Variants in CAMK1D observed in about 807,000 individuals in gnomAD.
CAMK1D encodes the protein calcium/calmodulin-dependent protein kinase type 1D.
A neutral mutation model predicts 47.7 loss-of-function variants in CAMK1D; 9 were observed. The observed-to-expected ratio is 0.19, with a 90% CI of 0.11 to 0.33. CAMK1D has a LOEUF of 0.33. Among genes scored for constraint, CAMK1D ranks in the 10% least tolerant of loss-of-function variants. The pLI is 1.00. For synonymous variants in CAMK1D, 184 were observed against 184.9 expected (o/e 0.99, Z 0.04); for missense variants, 291 against 488.7 (o/e 0.60, Z 3.81).
At chr10:12,387,494 A>G (rs145044114) in intron 1 of CAMK1D, among the ~76,000 whole-genome samples, 28 of 132,362 alleles carry the variant, frequency 2.1e-4, no homozygotes, top group African/African-American at 7.4e-4. Context: ...TGAAAGTTAT[A>G]TTATGTGTAT....
intron 1 of CAMK1D, among the ~76,000 whole-genome samples, chr10:12,519,251 C>A (rs1588581367): frequency 1.6e-5 from 1 of 63,640 alleles, no homozygotes; most frequent in East Asian, 4.4e-4. Context: ...GGCTGACCCC[C>A]CCACCTCCCT....
intron 1 of CAMK1D, among the ~76,000 whole-genome samples, chr10:12,515,566 C>T (rs1835180705): frequency 1.1e-5 from 1 of 94,122 alleles, no homozygotes; most frequent in Non-Finnish European, 2.2e-5. Flanking sequence ...TATCCCTCCC[C>T]CCTCCCCCGA....
At chr10:12,761,968 C>T (rs1356354025) in intron 4 of CAMK1D, among the ~76,000 whole-genome samples, 13 of 152,230 alleles carry the variant, frequency 8.5e-5, no homozygotes, top group Admixed American at 8.5e-4. Flanking sequence ...TTGACCCTTT[C>T]CCCGTTGGCA....
intron 3 of CAMK1D, among the ~76,000 whole-genome samples, chr10:12,694,009 A>G (rs1833059068): frequency 1.3e-5 from 1 of 78,972 alleles, no homozygotes; most frequent in African/African-American, 5.0e-5. Context: ...TATATAATAT[A>G]TATTAAATAT....
chr10:12,465,596 C>G (rs556186821), intron 1 of CAMK1D, among the ~76,000 whole-genome samples: 1 of 152,312 alleles, frequency 6.6e-6, no homozygotes, highest in Non-Finnish European at 1.5e-5. Context: ...CTCAAGTGAT[C>G]CACCCACCTT....
At chr10:12,793,806 G>T (rs763995111) in intron 6 of CAMK1D, among the ~76,000 whole-genome samples, 1 of 152,234 alleles carries the variant, frequency 6.6e-6, no homozygotes, top group Admixed American at 6.5e-5. Flanking sequence ...GAAGAAGGAG[G>T]CAGGAAACGT....
chr10:12,623,700 A>G (rs747108832), intron 2 of CAMK1D, among the ~76,000 whole-genome samples: 9 of 151,372 alleles, frequency 5.9e-5, no homozygotes, highest in African/African-American at 7.4e-5. Flanking sequence ...CACATTTTAC[A>G]TACATGCTCC....
At chr10:12,418,386 C>G (rs148240155) in intron 1 of CAMK1D, among the ~76,000 whole-genome samples, 1 of 152,300 alleles carries the variant, frequency 6.6e-6, no homozygotes, top group Non-Finnish European at 1.5e-5. Context: ...GGGAGGGTCA[C>G]TTGAGGCCAG....
intron 1 of CAMK1D, among the ~76,000 whole-genome samples, chr10:12,458,515 C>T (rs1390424226): frequency 2.0e-5 from 3 of 152,162 alleles, no homozygotes; most frequent in African/African-American, 7.2e-5. Context: ...CTCCTGGCCT[C>T]AAGTGATCCT....
At chr10:12,630,045 C>T (rs1258141597) in intron 2 of CAMK1D, among the ~76,000 whole-genome samples, 1 of 152,164 alleles carries the variant, frequency 6.6e-6, no homozygotes, top group Non-Finnish European at 1.5e-5. Flanking sequence ...ACCTGAGCCC[C>T]GTAGGGTGGC....
chr10:12,779,846 G>A (rs1837415481), intron 5 of CAMK1D, among the ~76,000 whole-genome samples: 2 of 152,146 alleles, frequency 1.3e-5, no homozygotes, highest in Non-Finnish European at 2.9e-5. Context: ...GAAATAAGAA[G>A]GAACATGTAC....
chr10:12,667,346 G>A (rs1840466679), intron 3 of CAMK1D, among the ~76,000 whole-genome samples: 1 of 152,200 alleles, frequency 6.6e-6, no homozygotes, highest in Non-Finnish European at 1.5e-5. Context: ...GTCAGACCAT[G>A]ACATTATCCC....
At chr10:12,671,064 C>A (rs139302638) in intron 3 of CAMK1D, among the ~76,000 whole-genome samples, 1 of 152,096 alleles carries the variant, frequency 6.6e-6, no homozygotes, top group African/African-American at 2.4e-5. Flanking sequence ...TGTGATCTTT[C>A]GTGACTAGAT....
intron 2 of CAMK1D, among the ~76,000 whole-genome samples, chr10:12,577,496 A>G (rs1385573334): frequency 1.3e-5 from 2 of 152,224 alleles, no homozygotes; most frequent in African/African-American, 2.4e-5. Flanking sequence ...ATTTTAAACC[A>G]TATAATAAAT....
intron 2 of CAMK1D, among the ~76,000 whole-genome samples, chr10:12,557,043 C>T (rs965664118): frequency 3.3e-5 from 5 of 152,052 alleles, no homozygotes; most frequent in African/African-American, 4.8e-5. Flanking sequence ...GGAGGGCTGC[C>T]GAGTTTCTGA....
At chr10:12,435,939 T>C (rs143496461) in intron 1 of CAMK1D, among the ~76,000 whole-genome samples, 17 of 152,336 alleles carry the variant, frequency 1.1e-4, no homozygotes, top group Admixed American at 9.1e-4. Flanking sequence ...TAGAGCTTGC[T>C]GAGGCTCCAC....
intron 1 of CAMK1D, among the ~76,000 whole-genome samples, chr10:12,389,073 C>T (rs187076859): frequency 3.9e-4 from 59 of 152,278 alleles, no homozygotes; most frequent in Non-Finnish European, 1.3e-4. Context: ...GAGGAAGAGG[C>T]GAGATGGGTC....
At chr10:12,664,589 T>TC (rs1477465519) in intron 2 of CAMK1D, among the ~76,000 whole-genome samples, 1 of 152,208 alleles carries the variant, frequency 6.6e-6, no homozygotes, top group Non-Finnish European at 1.5e-5. Flanking sequence ...TGACTCAACC[T>TC]CCAAGGCAAG....
chr10:12,801,523 G>A (rs1838481424), intron 6 of CAMK1D, among the ~76,000 whole-genome samples: 1 of 148,414 alleles, frequency 6.7e-6, no homozygotes, highest in African/African-American at 2.5e-5. Flanking sequence ...TCTTCTATTT[G>A]TTTATCCATT....
Sources: gnomAD v4.1 joint callset for allele counts (sites outside exome capture counted in the v4.1 genomes callset) on GRCh38, gnomAD v4.1.1 for gene constraint, MANE v1.5 for transcripts, NCBI Gene and HGNC (gene_info 2026-07-23, HGNC 2026-07-21) for gene names.